Variants in SLC2A13 observed in about 807,000 individuals in gnomAD.
The protein encoded by SLC2A13 is proton myo-inositol cotransporter.
A neutral mutation model predicts 64.4 loss-of-function variants in SLC2A13; 32 were observed. The observed-to-expected ratio is 0.50, with a 90% CI of 0.37 to 0.67. The LOEUF (loss-of-function observed/expected upper bound fraction) is 0.67, where lower values mean the gene tolerates loss of function less well. SLC2A13 is among the 30% of genes least tolerant of loss of function. The pLI, the probability that SLC2A13 is intolerant of heterozygous loss-of-function variation, is 0.00. For missense variants in SLC2A13, 743 were observed against 829.2 expected (o/e 0.90, Z 1.28); for synonymous variants, 338 against 327.1 (o/e 1.03, Z -0.36).
intron 6 of SLC2A13, chr12:39,830,465 G>T (rs1942822613): frequency 4.1e-6 from 5 of 1,222,502 alleles, no homozygotes; most frequent in Non-Finnish European, 4.1e-6. Context: ...GCTGAAGGAG[G>T]CTTGGATCTG....
At chr12:39,795,133 A>C (rs1941532337) in intron 7 of SLC2A13, among the ~76,000 whole-genome samples, 1 of 151,998 alleles carries the variant, frequency 6.6e-6, no homozygotes, top group South Asian at 2.1e-4. Flanking sequence ...TTCTAGAACT[A>C]TCATTTGGAG....
chr12:39,970,787 A>T (rs1413894219), intron 3 of SLC2A13, among the ~76,000 whole-genome samples: 2 of 152,246 alleles, frequency 1.3e-5, no homozygotes, highest in Admixed American at 6.5e-5. Flanking sequence ...TTGCATTATT[A>T]CATTGGCTAT....
intron 4 of SLC2A13, among the ~76,000 whole-genome samples, chr12:39,921,240 G>C (rs11174285): frequency 0.08 from 12,193 of 152,082 alleles, 607 homozygotes; most frequent in Middle Eastern, 0.13. Context: ...TGTTGGCTTT[G>C]AAGCGCATGC....
At chr12:39,854,892 A>C (rs1251127272) in intron 6 of SLC2A13, among the ~76,000 whole-genome samples, 1 of 151,980 alleles carries the variant, frequency 6.6e-6, no homozygotes, top group Non-Finnish European at 1.5e-5. Context: ...GGTCTGAGAA[A>C]CTCCAACTCA....
chr12:39,776,148 G>GT (rs1481220869), intron 7 of SLC2A13, among the ~76,000 whole-genome samples: 1 of 152,224 alleles, frequency 6.6e-6, no homozygotes, highest in East Asian at 1.9e-4. Context: ...AGGCATTACA[G>GT]TTATTAGCCC....
At chr12:40,025,757 T>C (rs1209853167) in intron 3 of SLC2A13, among the ~76,000 whole-genome samples, 3 of 152,238 alleles carry the variant, frequency 2.0e-5, no homozygotes, top group Non-Finnish European at 4.4e-5. Context: ...TCAGGATCCA[T>C]GGACAGATTA....
intron 3 of SLC2A13, among the ~76,000 whole-genome samples, chr12:40,011,604 G>A (rs1369711716): frequency 6.6e-6 from 1 of 152,136 alleles, no homozygotes; most frequent in Non-Finnish European, 1.5e-5. Context: ...CCCAAATAGT[G>A]AGCACAGGAC....
intron 2 of SLC2A13, among the ~76,000 whole-genome samples, chr12:40,047,826 T>TA (rs906680355): frequency 3.9e-5 from 6 of 152,164 alleles, no homozygotes; most frequent in African/African-American, 1.2e-4. Flanking sequence ...ACCTAAATGC[T>TA]AAAAAAGCCC....
chr12:39,833,336 T>C lies in SLC2A13; in HGVS notation c.1320-3108A>G, dbSNP rs553844995. On this transcript the variant is annotated intron_variant, in intron 6 of 9. Transcript: ENST00000280871. ...CACCTATATAGATCCCCTGTGGAGA[T>C]ATTTCGCCCTTTTTTTAAATTCCCT... is the stretch of plus-strand genomic sequence containing the variant. Among the ~76,000 whole-genome samples the C allele has an allele frequency of 1.3e-4, 20 of 152,170 alleles. No individual in the cohort carries two copies. In the South Asian group the frequency reaches 3.3e-3, roughly 25 times the overall value.
At chr12:40,092,548 C>T (rs1244865731) in intron 1 of SLC2A13, among the ~76,000 whole-genome samples, 2 of 151,998 alleles carry the variant, frequency 1.3e-5, no homozygotes, top group African/African-American at 4.8e-5. Flanking sequence ...TGTTTTTTGT[C>T]CCCTAAATTT....
intron 4 of SLC2A13, among the ~76,000 whole-genome samples, chr12:39,919,693 G>A (rs978112908): frequency 3.3e-5 from 5 of 151,844 alleles, no homozygotes; most frequent in African/African-American, 1.2e-4. Context: ...CCACCCCAAG[G>A]GGTACTGACA....
intron 7 of SLC2A13, among the ~76,000 whole-genome samples, chr12:39,807,696 T>A (rs1453302346): frequency 6.6e-6 from 1 of 152,142 alleles, no homozygotes; most frequent in Non-Finnish European, 1.5e-5. Context: ...TGGAAATTTG[T>A]GTTATCAGGA....
chr12:39,894,672 G>C (rs1034238839), intron 4 of SLC2A13, among the ~76,000 whole-genome samples: 2 of 152,134 alleles, frequency 1.3e-5, no homozygotes, highest in African/African-American at 4.8e-5. Flanking sequence ...TTAGGTCAGG[G>C]CCAACAGCTA....
Position 40,105,052 on chromosome 12 carries a change from T to C in SLC2A13, c.556+201A>G, listed in dbSNP as rs1592087052. On this transcript the variant is annotated intron_variant, in intron 1 of 9. Coordinates refer to ENST00000280871, the MANE Select transcript of SLC2A13 (RefSeq NM_052885.4). The surrounding 1 kb of genome is among the most constrained non-coding windows in gnomAD (Gnocchi z 4.2). ...CGAGGGAGACTAGAGTGACACCCCC[T>C]CCCCCCCGACCCTCCCACCTCCCGG... Among the ~76,000 whole-genome samples the C allele has an allele frequency of 6.8e-6, 1 of 147,232 alleles. No individual in the cohort carries two copies. Among genetic ancestry groups the C allele is most frequent in the Admixed American group, 6.7e-5 (1 of 14,852 alleles).
At chr12:40,016,161 A>C (rs1392755628) in intron 3 of SLC2A13, among the ~76,000 whole-genome samples, 1 of 152,112 alleles carries the variant, frequency 6.6e-6, no homozygotes, top group Non-Finnish European at 1.5e-5. Flanking sequence ...TGTAAGAATA[A>C]AGAACTTATA....
chr12:39,772,378 AAGGGCT>A (rs1170070334), intron 7 of SLC2A13, among the ~76,000 whole-genome samples: 1 of 152,194 alleles, frequency 6.6e-6, no homozygotes, highest in African/African-American at 2.4e-5. Context: ...AGCAATTTAT[AAGGGCT>A]TGCCAAAAGA....
intron 4 of SLC2A13, 66 bp from the exon 5 acceptor site, chr12:39,872,027 G>T: frequency 7.4e-7 from 1 of 1,348,220 alleles, no homozygotes; most frequent in Non-Finnish European, 9.8e-7. Context: ...TATTTTGATA[G>T]AAAAAGATGT....
intron 6 of SLC2A13, among the ~76,000 whole-genome samples, chr12:39,839,868 T>G (rs1467930378): frequency 2.6e-5 from 4 of 152,102 alleles, no homozygotes; most frequent in Admixed American, 2.6e-4. Context: ...CTCAACAACC[T>G]AAAGCTCAAT....
At chr12:39,976,477 G>A (rs1021300477) in intron 3 of SLC2A13, among the ~76,000 whole-genome samples, 2 of 152,106 alleles carry the variant, frequency 1.3e-5, no homozygotes, top group Admixed American at 6.6e-5. Context: ...TTAATTCCAC[G>A]ATTCATTTGA....
Sources: gnomAD v4.1 joint callset for allele counts (sites outside exome capture counted in the v4.1 genomes callset) on GRCh38, gnomAD v4.1.1 for gene constraint, Gnocchi (gnomAD v3.1) non-coding constraint, MANE v1.5 for transcripts, NCBI Gene and HGNC (gene_info 2026-07-23, HGNC 2026-07-21) for gene names.